CXCL13: variants seen among roughly 807,000 people sequenced by gnomAD.
CXCL13 encodes the protein C-X-C motif chemokine 13.
Under a neutral mutation model 12.2 loss-of-function variants are expected in CXCL13, and 7 were observed. The ratio of observed to expected loss-of-function variants is 0.57; its 90% CI spans 0.33 to 1.07. The LOEUF (loss-of-function observed/expected upper bound fraction) is 1.07. Ranked by LOEUF, CXCL13 falls within the 50% of genes least tolerant of loss-of-function variation. CXCL13 has a pLI of 0.04. For missense variants in CXCL13, 113 were observed against 127.4 expected, an observed-to-expected ratio of 0.89 and a Z score of 0.55; for synonymous variants, 47 against 42.4, an observed-to-expected ratio of 1.11 and a Z score of -0.42.
intron 1 of CXCL13, among the ~76,000 whole-genome samples, chr4:77,562,206 T>G (rs1273799839): frequency 9.8e-5 from 3 of 30,724 alleles, no homozygotes; most frequent in Admixed American, 9.0e-4. Flanking sequence ...CCGCCCCGCC[T>G]ACAGCCACCC....
intron 1 of CXCL13, among the ~76,000 whole-genome samples, chr4:77,557,046 G>A (rs993000510): frequency 5.9e-5 from 9 of 151,798 alleles, no homozygotes; most frequent in African/African-American, 2.2e-4. Context: ...GAGAGAGAGA[G>A]AGAGAAAAGA....
At chr4:77,517,655 G>C (rs575608368) in intron 1 of CXCL13, among the ~76,000 whole-genome samples, 2 of 152,018 alleles carry the variant, frequency 1.3e-5, no homozygotes, top group African/African-American at 4.8e-5. Flanking sequence ...TTTTCCATTT[G>C]CTTGGTAGAT....
chr4:77,541,000 T>C (rs1253571607), intron 1 of CXCL13, among the ~76,000 whole-genome samples: 1 of 152,206 alleles, frequency 6.6e-6, no homozygotes, highest in Admixed American at 6.5e-5. Flanking sequence ...ATTTCTCTGA[T>C]GATGTGATGT....
chr4:77,601,187 T>G (rs1039551673), upstream of CXCL13, among the ~76,000 whole-genome samples: 2 of 152,186 alleles, frequency 1.3e-5, no homozygotes, highest in African/African-American at 4.8e-5. Context: ...AAATATGAAT[T>G]TAATTACCTT....
chr4:77,579,205 C>T (rs1343890386), intron 1 of CXCL13, among the ~76,000 whole-genome samples: 1 of 152,248 alleles, frequency 6.6e-6, no homozygotes, highest in Admixed American at 6.5e-5. Context: ...AAGGCACCCA[C>T]ATTTTGGCCC....
chr4:77,611,510 A>T lies in CXCL13; in HGVS notation c.*471A>T, dbSNP rs1727154507. ...AGCCTGTCAAGAGGCAAAGGAATCC[A>T]TGTAGTAGATATCCTCTGCTTAAAA... On this transcript the variant is annotated 3_prime_UTR_variant, in exon 4 of 4. Coordinates refer to ENST00000682537, the MANE Select transcript of CXCL13 (RefSeq NM_001371558.1). 2 of 395,022 alleles carry T rather than the reference A, an allele frequency of 5.1e-6. No homozygotes were observed. The allele number at this position is 395,022 out of a possible 1,614,324, so 24.5% of individuals were successfully genotyped here.
intron 1 of CXCL13, among the ~76,000 whole-genome samples, chr4:77,551,892 C>T (rs1175683501): frequency 6.6e-6 from 1 of 152,076 alleles, no homozygotes; most frequent in Non-Finnish European, 1.5e-5. Flanking sequence ...TAAAGCTTTC[C>T]ATTGTATTTT....
At chr4:77,557,641 A>T (rs576354478) in intron 1 of CXCL13, among the ~76,000 whole-genome samples, 1 of 152,294 alleles carries the variant, frequency 6.6e-6, no homozygotes, top group African/African-American at 2.4e-5. Context: ...ATGAGTAAGA[A>T]CCACCACCTG....
intron 1 of CXCL13, among the ~76,000 whole-genome samples, chr4:77,562,956 G>C (rs954849236): frequency 6.6e-6 from 1 of 152,114 alleles, no homozygotes; most frequent in Admixed American, 6.5e-5. Flanking sequence ...GCCAGCAGTG[G>C]CAACCCCCAT....
At chr4:77,608,522 G>A (rs943664353) in intron 2 of CXCL13, among the ~76,000 whole-genome samples, 5 of 151,832 alleles carry the variant, frequency 3.3e-5, no homozygotes, top group East Asian at 1.9e-4. Flanking sequence ...TCTTCTTTGC[G>A]ACACCTTGAA....
intron 1 of CXCL13, among the ~76,000 whole-genome samples, chr4:77,546,981 C>T (rs1725383322): frequency 6.6e-6 from 1 of 152,134 alleles, no homozygotes; most frequent in African/African-American, 2.4e-5. Flanking sequence ...TTATTTCTGC[C>T]TTCATTTCAT....
rs188470859 is a variant in CXCL13, at chr4:77,532,537, T to C, written c.-43+20749T>C. 1.5e-4 allele frequency among the ~76,000 whole-genome samples: 23 copies of C among 152,282 alleles called. No individual in the cohort carries two copies. The East Asian group carries it at 4.2e-3, about 28-fold the overall frequency. On this transcript the variant is annotated intron_variant, in intron 1 of 4. Transcript: ENST00000286758. The stretch of plus-strand genomic sequence containing the variant: ...CAATTCTGTATCTTGGAGTTGCTGT[T>C]CTCGAGGAGTATCTTTGTGGCGTTC...
rs1727146427 is a variant in CXCL13 at position 77,611,282 on chromosome 4, G to C, written c.*243G>C. 1 of 419,480 alleles carries C rather than the reference G, an allele frequency of 2.4e-6. No individual in the cohort carries two copies. The highest frequency in any genetic ancestry group is 4.2e-6 in the Non-Finnish European group (1 of 237,732). The allele number at this position is 419,480 out of a possible 1,614,324, so 26.0% of individuals were successfully genotyped here. Reference sequence around the variant, plus strand: ...AGGGAGGAAAGTTTCTTTGAAAATAGTTATTCAGTTATAAGTAATACAGGA... The same window carrying C: ...AGGGAGGAAAGTTTCTTTGAAAATACTTATTCAGTTATAAGTAATACAGGA... On this transcript the variant is annotated 3_prime_UTR_variant, in exon 4 of 4. Coordinates refer to ENST00000682537, the MANE Select transcript of CXCL13 (RefSeq NM_001371558.1).
At chr4:77,541,265 C>A (rs1165506228) in intron 1 of CXCL13, among the ~76,000 whole-genome samples, 2 of 151,992 alleles carry the variant, frequency 1.3e-5, no homozygotes, top group Non-Finnish European at 2.9e-5. Context: ...CATTTAGGTC[C>A]CAGTTGTCAA....
At chr4:77,570,016 C>T (rs1726030124) in intron 1 of CXCL13, among the ~76,000 whole-genome samples, 1 of 152,124 alleles carries the variant, frequency 6.6e-6, no homozygotes, top group Non-Finnish European at 1.5e-5. Context: ...CAAAAACAAG[C>T]AATGGAAAAA....
intron 1 of CXCL13, among the ~76,000 whole-genome samples, chr4:77,513,520 C>A (rs1368313775): frequency 6.6e-6 from 1 of 151,686 alleles, no homozygotes; most frequent in African/African-American, 2.4e-5. Context: ...GGCACAATCT[C>A]AGCCCACTCC....
chr4:77,607,766 T>C lies in CXCL13; in HGVS notation c.128T>C (p.Ile43Thr). 1.2e-6 allele frequency: 2 copies of C among 1,613,486 alleles called. No homozygotes were observed. The highest frequency in any genetic ancestry group is 1.7e-6 in the Non-Finnish European group (2 of 1,179,782). ...CRCVQESSVF[I>T]PRRFIDRIQI... is the part of the protein sequence containing the mutation. Reference sequence around the variant, plus strand: ...TGTGTCCAAGAGAGCTCAGTCTTTATCCCTAGACGCTTCATTGATCGAATT... The same window carrying C: ...TGTGTCCAAGAGAGCTCAGTCTTTACCCCTAGACGCTTCATTGATCGAATT... Residue 43 changes from isoleucine to threonine, a missense_variant, in exon 2 of 4, where the codon ATC (isoleucine) becomes ACC (threonine). Coordinates refer to ENST00000682537, the MANE Select transcript of CXCL13 (RefSeq NM_001371558.1).
At chr4:77,554,969 G>A (rs1299554477) in intron 1 of CXCL13, among the ~76,000 whole-genome samples, 1 of 151,728 alleles carries the variant, frequency 6.6e-6, no homozygotes, top group Non-Finnish European at 1.5e-5. Flanking sequence ...GCTTACATTA[G>A]AAAGGAATAA....
chr4:77,565,147 C>T (rs1030032029), intron 1 of CXCL13, among the ~76,000 whole-genome samples: 1 of 152,202 alleles, frequency 6.6e-6, no homozygotes, highest in African/African-American at 2.4e-5. Context: ...ACTTGCACAG[C>T]TTCCCTTTCA....
Sources: allele counts gnomAD v4.1 joint callset (sites outside exome capture counted in the v4.1 genomes callset), GRCh38; gene constraint gnomAD v4.1.1; transcripts MANE v1.5; gene names NCBI Gene and HGNC (gene_info 2026-07-23, HGNC 2026-07-21).